Variants in FGD6 observed in about 807,000 individuals in gnomAD.
FGD6 encodes the protein FYVE, RhoGEF and PH domain-containing protein 6.
A neutral mutation model predicts 149.4 loss-of-function variants in FGD6; 90 were observed. The ratio of observed to expected loss-of-function variants is 0.60; its 90% confidence interval spans 0.51 to 0.72. The LOEUF is 0.72. FGD6 is among the 30% of genes least tolerant of loss of function. FGD6 has a pLI of 0.00. For synonymous variants in FGD6, 527 were observed against 584.0 expected (o/e 0.90, Z 1.41); for missense variants, 1,437 against 1,684.8 (o/e 0.85, Z 2.57).
rs1260014018 is a variant in FGD6 at position 95,089,033 on chromosome 12, TA to T, written c.3978+535del. On this transcript the variant is annotated intron_variant, in intron 18 of 20. Coordinates refer to ENST00000343958, the MANE Select transcript of FGD6 (RefSeq NM_018351.4). ...GCAATGCTGTTTGTTCTTTGACATCTAAATTTGAGGAAATGGGATAGGATAT... is the reference window on the plus strand; with the variant it reads ...GCAATGCTGTTTGTTCTTTGACATCTAATTTGAGGAAATGGGATAGGATAT... Among the ~76,000 whole-genome samples the T allele has an allele frequency of 4.6e-5, 7 of 152,366 alleles. No homozygotes were observed. In the East Asian group the frequency reaches 1.3e-3, roughly 29 times the overall value.
chr12:95,111,350 T>A (rs1448735747), intron 9 of FGD6, among the ~76,000 whole-genome samples: 1 of 152,160 alleles, frequency 6.6e-6, no homozygotes, highest in Non-Finnish European at 1.5e-5. Context: ...TTTTCTCATC[T>A]ATGTCTTTGC....
intron 8 of FGD6, among the ~76,000 whole-genome samples, chr12:95,114,374 A>AG (rs1286523575): frequency 4.6e-5 from 7 of 151,372 alleles, no homozygotes; most frequent in Admixed American, 4.6e-4. Context: ...GGGAGGCCAA[A>AG]GGGGGTGGAT....
chr12:95,142,883 G>A (rs531144860), intron 5 of FGD6, among the ~76,000 whole-genome samples: 1 of 152,036 alleles, frequency 6.6e-6, no homozygotes, highest in African/African-American at 2.4e-5. Flanking sequence ...CTGTTCTCTA[G>A]ACTATCTGTA....
rs930314674 is a variant in FGD6 at position 95,080,428 on chromosome 12, G to A, written c.*1092C>T. 6.6e-6 allele frequency: 1 copy of A among 151,656 alleles called. No individual in the cohort carries two copies. Among genetic ancestry groups the A allele is most frequent in the Non-Finnish European group, 1.5e-5 (1 of 67,936 alleles). 9.4% of individuals were successfully genotyped at this position (151,656 alleles called of 1,614,324 possible). A position where few individuals can be genotyped will look rare whatever the true frequency, so the allele number is the denominator to read the frequency against. On this transcript the variant is annotated 3_prime_UTR_variant, in exon 21 of 21. Coordinates refer to ENST00000343958, the MANE Select transcript of FGD6 (RefSeq NM_018351.4). ...ATTATGAATCTAAATCTTTCCTAAG[G>A]AGGTGTGCTGATAGCTGCTTATAGA...
intron 7 of FGD6, 55 bp from the exon 8 acceptor site, chr12:95,134,881 C>A: frequency 1.4e-6 from 2 of 1,448,748 alleles, no homozygotes; most frequent in Non-Finnish European, 1.9e-6. Context: ...GCAAGGGACC[C>A]AGATTCAAGT....
chr12:95,191,652 A>C (rs771207082), intron 2 of FGD6, among the ~76,000 whole-genome samples: 2 of 152,220 alleles, frequency 1.3e-5, no homozygotes, highest in African/African-American at 2.4e-5. Context: ...AGGACCCCCC[A>C]CAGAGACCAA....
intron 8 of FGD6, among the ~76,000 whole-genome samples, chr12:95,127,264 G>A (rs1017435846): frequency 6.6e-6 from 1 of 152,056 alleles, no homozygotes; most frequent in African/African-American, 2.4e-5. Flanking sequence ...ATCTATTAGC[G>A]GCTGGGCGTG....
At chr12:95,143,311 T>C (rs1305399797) in intron 5 of FGD6, among the ~76,000 whole-genome samples, 1 of 149,926 alleles carries the variant, frequency 6.7e-6, no homozygotes, top group Non-Finnish European at 1.5e-5. Flanking sequence ...TTTTTTTAAC[T>C]CTGGACAACC....
intron 3 of FGD6, among the ~76,000 whole-genome samples, chr12:95,155,677 T>C (rs1197086409): frequency 6.6e-6 from 1 of 152,180 alleles, no homozygotes; most frequent in Non-Finnish European, 1.5e-5. Flanking sequence ...AGTCAGTCAT[T>C]AGAGTGAATG....
chr12:95,118,348 CA>C (rs758125277), intron 8 of FGD6, among the ~76,000 whole-genome samples: 115 of 122,216 alleles, frequency 9.4e-4, no homozygotes, highest in Admixed American at 1.1e-3. Flanking sequence ...GACTCTGTCT[CA>C]AAAAAAAAAA....
chr12:95,139,211 G>A (rs1429102336), intron 6 of FGD6, among the ~76,000 whole-genome samples: 2 of 152,114 alleles, frequency 1.3e-5, no homozygotes, highest in South Asian at 2.1e-4. Context: ...AGGCTGAGGC[G>A]AGAGGATCAC....
At chr12:95,172,416 T>TGATACATACTTG (rs1881020198) in intron 3 of FGD6, among the ~76,000 whole-genome samples, 184 bp downstream of exon 3, 1 of 152,200 alleles carries the variant, frequency 6.6e-6, no homozygotes, top group Admixed American at 6.6e-5. Context: ...AATCTCTAAG[T>TGATACATACTTG]GATACATACT....
intron 3 of FGD6, among the ~76,000 whole-genome samples, chr12:95,164,419 A>G (rs1263007675): frequency 6.7e-6 from 1 of 150,228 alleles, no homozygotes; most frequent in Non-Finnish European, 1.5e-5. Context: ...AGTGACATTC[A>G]GTGAAATTTA....
At chr12:95,116,977 AT>A (rs1243630411) in intron 8 of FGD6, 6 of 454,008 alleles carry the variant, frequency 1.3e-5, no homozygotes, top group Non-Finnish European at 2.7e-5. Context: ...AGTAACTGTT[AT>A]AACCCAGGTG....
intron 2 of FGD6, among the ~76,000 whole-genome samples, chr12:95,179,425 A>C (rs1433044169): frequency 6.6e-6 from 1 of 152,014 alleles, no homozygotes; most frequent in Non-Finnish European, 1.5e-5. Context: ...GGATCACTTG[A>C]GCCCAAGAGG....
chr12:95,168,067 ATTTT>A (rs11418830), intron 3 of FGD6, among the ~76,000 whole-genome samples: 1 of 151,716 alleles, frequency 6.6e-6, no homozygotes, highest in African/African-American at 2.4e-5. Context: ...TATTACACAC[ATTTT>A]TTTTAAGTCA....
At chr12:95,193,698 T>A (rs1881657583) in intron 2 of FGD6, among the ~76,000 whole-genome samples, 2 of 151,940 alleles carry the variant, frequency 1.3e-5, no homozygotes, top group Admixed American at 1.3e-4. Context: ...CCAGCTAATT[T>A]TCATATTTTC....
chr12:95,091,826 A>G lies in FGD6; in HGVS notation c.3748-17T>C, dbSNP rs1565893177. On this transcript the variant is annotated splice_polypyrimidine_tract_variant and intron_variant, in intron 16 of 20. Coordinates refer to ENST00000343958, the MANE Select transcript of FGD6 (RefSeq NM_018351.4). Reference sequence around the variant, plus strand: ...GCATACAATCTGAAAACACATTGGAATTATGTCATTAATTTCATTAGAATA... The same window carrying G: ...GCATACAATCTGAAAACACATTGGAGTTATGTCATTAATTTCATTAGAATA... 2 of 1,553,038 alleles carry G rather than the reference A, an allele frequency of 1.3e-6. No homozygotes were observed. Among genetic ancestry groups the G allele is most frequent in the Non-Finnish European group, 1.8e-6 (2 of 1,128,220 alleles).
intron 5 of FGD6, among the ~76,000 whole-genome samples, chr12:95,142,490 C>G (rs1254877297): frequency 6.6e-6 from 1 of 152,104 alleles, no homozygotes; most frequent in Non-Finnish European, 1.5e-5. Context: ...GTTGCCCAGG[C>G]TGGTCTTGAA....
Sources: gnomAD v4.1 joint callset for allele counts (sites outside exome capture counted in the v4.1 genomes callset) on GRCh38, gnomAD v4.1.1 for gene constraint, MANE v1.5 for transcripts, NCBI Gene and HGNC (gene_info 2026-07-23, HGNC 2026-07-21) for gene names.